ZNF407: variants seen among roughly 807,000 people sequenced by gnomAD.
ZNF407 encodes zinc finger protein 407.
In ZNF407, 17 loss-of-function variants were observed where a neutral mutation model predicts 131.2. The observed-to-expected ratio is 0.13, with a 90% CI of 0.09 to 0.19. ZNF407 has a LOEUF of 0.19. Among genes scored for constraint, ZNF407 ranks in the 10% least tolerant of loss-of-function variants. The probability of loss-of-function intolerance (pLI) is 1.00; values close to 1 mark genes in which losing one functional copy is unlikely to be tolerated. For missense variants in ZNF407, 2,681 were observed against 2,830.6 expected (o/e 0.95, Z 1.20); for synonymous variants, 1,156 against 1,062.0 (o/e 1.09, Z -1.72).
At chr18:74,850,854 G>A (rs1282571639) in intron 4 of ZNF407, among the ~76,000 whole-genome samples, 1 of 152,162 alleles carries the variant, frequency 6.6e-6, no homozygotes, top group East Asian at 1.9e-4. Context: ...CACAAACTGG[G>A]TGTTTTCTTG....
chr18:74,633,765 A>G lies in ZNF407; in HGVS notation c.2746A>G (p.Ser916Gly), dbSNP rs1444604358. Residue 916 changes from serine to glycine, a missense_variant, in exon 2 of 9, where the codon AGT (serine) becomes GGT (glycine). Coordinates refer to ENST00000299687, the MANE Select transcript of ZNF407 (RefSeq NM_017757.3). ...AGAAATAGAAGCAAGTGGAAAACAC[A>G]GTTCAGATATCATTGTTGGCCCTGA... Reference protein sequence around the residue: ...RVEIEASGKHSSDIIVGPEGG... With the variant: ...RVEIEASGKHGSDIIVGPEGG... 1 of 1,614,030 alleles carries G rather than the reference A, an allele frequency of 6.2e-7. No homozygotes were observed. The highest frequency in any genetic ancestry group is 1.7e-5 in the Admixed American group (1 of 60,030).
intron 3 of ZNF407, among the ~76,000 whole-genome samples, chr18:74,709,306 A>G (rs1741269891): frequency 6.6e-6 from 1 of 152,208 alleles, no homozygotes; most frequent in South Asian, 2.1e-4. Context: ...TTGAAATTCC[A>G]AAAGCACACT....
chr18:74,792,150 T>C (rs775688238), intron 4 of ZNF407, among the ~76,000 whole-genome samples: 19 of 152,138 alleles, frequency 1.2e-4, no homozygotes, highest in Non-Finnish European at 2.4e-4. Flanking sequence ...ACAATCATAC[T>C]GTTTATGTAT....
chr18:74,803,298 G>A (rs1353493660), intron 4 of ZNF407, among the ~76,000 whole-genome samples: 2 of 152,174 alleles, frequency 1.3e-5, no homozygotes, highest in Admixed American at 6.5e-5. Context: ...TGTTCTTCCT[G>A]GCACTTCGTC....
chr18:74,867,535 G>A (rs1033122901), intron 4 of ZNF407, among the ~76,000 whole-genome samples: 5 of 152,112 alleles, frequency 3.3e-5, no homozygotes, highest in Non-Finnish European at 7.4e-5. Flanking sequence ...GCTGCCGAAG[G>A]CCAGACACTT....
intron 8 of ZNF407, among the ~76,000 whole-genome samples, chr18:75,037,844 G>A (rs528557498): frequency 9.2e-5 from 14 of 152,106 alleles, no homozygotes; most frequent in Non-Finnish European, 1.8e-4. Flanking sequence ...CAGAGAATGT[G>A]TCCCTTCTCA....
At chr18:74,841,453 A>G (rs1442106635) in intron 4 of ZNF407, among the ~76,000 whole-genome samples, 1 of 151,992 alleles carries the variant, frequency 6.6e-6, no homozygotes, top group African/African-American at 2.4e-5. Flanking sequence ...AGTTGGCGGT[A>G]CTCCCAAACC....
rs145914808 is a variant in ZNF407 at position 74,628,192 on chromosome 18, A to G, written c.-53-2775A>G. Among the ~76,000 whole-genome samples the G allele has an allele frequency of 2.6e-5, 4 of 152,254 alleles. No homozygotes were observed. In the East Asian group the frequency reaches 7.7e-4, roughly 29 times the overall value. ...TTATAAATGCAATAAAACTAGATAA[A>G]TTTATCTTTTTACTCATTTTCAAAT... On this transcript the variant is annotated intron_variant, in intron 1 of 8. Transcript: ENST00000299687.
intron 8 of ZNF407, among the ~76,000 whole-genome samples, chr18:74,943,767 A>G (rs540179507): frequency 3.3e-5 from 5 of 152,288 alleles, no homozygotes; most frequent in African/African-American, 1.2e-4. Context: ...TGCTGTGTAC[A>G]GTATGTACCT....
intron 4 of ZNF407, among the ~76,000 whole-genome samples, chr18:74,865,833 C>G (rs1407203655): frequency 1.3e-5 from 2 of 152,168 alleles, no homozygotes; most frequent in Non-Finnish European, 2.9e-5. Context: ...ATTGCTTGCT[C>G]TATGAGGTTT....
intron 3 of ZNF407, among the ~76,000 whole-genome samples, chr18:74,698,864 C>T (rs1967424088): frequency 6.6e-6 from 1 of 152,070 alleles, no homozygotes; most frequent in African/African-American, 2.4e-5. Flanking sequence ...ATTTGTTCCC[C>T]TCTTATTTCC....
At chr18:74,902,400 G>C (rs977323355) in intron 7 of ZNF407, among the ~76,000 whole-genome samples, 1 of 152,180 alleles carries the variant, frequency 6.6e-6, no homozygotes, top group Non-Finnish European at 1.5e-5. Context: ...ACAAGGGCTC[G>C]CAGGAGTCGA....
intron 8 of ZNF407, among the ~76,000 whole-genome samples, chr18:74,999,229 G>A (rs1424268448): frequency 1.0e-5 from 1 of 98,974 alleles, no homozygotes; most frequent in African/African-American, 4.0e-5. Context: ...GGATAGCATT[G>A]GGAGATATAC....
chr18:74,961,985 G>A (rs1599265751), intron 8 of ZNF407, among the ~76,000 whole-genome samples: 2 of 152,272 alleles, frequency 1.3e-5, no homozygotes, highest in South Asian at 4.1e-4. Flanking sequence ...CGTTCATTAG[G>A]TTATGTATTT....
intron 8 of ZNF407, among the ~76,000 whole-genome samples, chr18:74,946,911 A>T (rs1033745323): frequency 6.6e-6 from 1 of 152,232 alleles, no homozygotes; most frequent in Non-Finnish European, 1.5e-5. Context: ...GTTTAATCAT[A>T]TGAACTGATA....
At chr18:74,679,289 C>G (rs1376987419) in intron 3 of ZNF407, among the ~76,000 whole-genome samples, 1 of 152,108 alleles carries the variant, frequency 6.6e-6, no homozygotes, top group African/African-American at 2.4e-5. Flanking sequence ...AGCTTTAGGC[C>G]CATTTGTTTT....
intron 3 of ZNF407, among the ~76,000 whole-genome samples, chr18:74,717,073 G>C (rs1193748033): frequency 6.6e-6 from 1 of 152,162 alleles, no homozygotes; most frequent in Non-Finnish European, 1.5e-5. Context: ...GTATATGAGA[G>C]TGTGTATATG....
intron 7 of ZNF407, among the ~76,000 whole-genome samples, chr18:74,901,722 A>G (rs1971527737): frequency 6.6e-6 from 1 of 152,200 alleles, no homozygotes; most frequent in Non-Finnish European, 1.5e-5. Flanking sequence ...TGGCCTTTGA[A>G]CAATGATGTT....
At chr18:75,018,764 C>T (rs746638242) in intron 8 of ZNF407, among the ~76,000 whole-genome samples, 3 of 151,890 alleles carry the variant, frequency 2.0e-5, no homozygotes, top group Non-Finnish European at 4.4e-5. Context: ...AATTGAGACC[C>T]TTTGTTTTAC....
Sources: gnomAD v4.1 joint callset for allele counts (sites outside exome capture counted in the v4.1 genomes callset) on GRCh38, gnomAD v4.1.1 for gene constraint, MANE v1.5 for transcripts, NCBI Gene and HGNC (gene_info 2026-07-23, HGNC 2026-07-21) for gene names.